Variants in SH3TC1 observed in about 807,000 individuals in gnomAD.
SH3TC1 encodes SH3 domain and tetratricopeptide repeat-containing protein 1.
In SH3TC1, 135 loss-of-function variants were observed where a neutral mutation model predicts 117.3. The observed-to-expected ratio is 1.15, with a 90% CI of 1.00 to 1.33. The LOEUF (loss-of-function observed/expected upper bound fraction) is 1.33. SH3TC1 is among the 40% of genes most tolerant of loss of function. The probability of loss-of-function intolerance (pLI) is 0.00; values close to 1 mark genes in which losing one functional copy is unlikely to be tolerated. For synonymous variants in SH3TC1, 898 were observed against 816.9 expected (o/e 1.10, Z -1.69); for missense variants, 2,092 against 1,794.3 (o/e 1.17, Z -3.00).
chr4:8,198,026 G>T (rs1043879128), upstream of SH3TC1, among the ~76,000 whole-genome samples: 3 of 152,152 alleles, frequency 2.0e-5, no homozygotes, highest in African/African-American at 7.2e-5. Flanking sequence ...TGGCTGCTAT[G>T]ATTAGAGGAG....
At chr4:8,229,699 A>G (rs115869356) in intron 12 of SH3TC1, among the ~76,000 whole-genome samples, 1,940 of 151,798 alleles carry the variant, frequency 0.013, 39 homozygotes, top group African/African-American at 0.043. Flanking sequence ...CCATCTGCCC[A>G]AGGAGGAGTG....
chr4:8,205,801 G>T lies in SH3TC1; in HGVS notation c.172+435G>T. 1.6e-6 allele frequency: 1 copy of T among 607,250 alleles called. No homozygotes were observed. The highest frequency in any genetic ancestry group is 2.9e-6 in the Non-Finnish European group (1 of 339,138). The allele number at this position is 607,250 out of a possible 1,614,324, so 37.6% of individuals were successfully genotyped here. On this transcript the variant is annotated intron_variant, in intron 2 of 17. Coordinates refer to ENST00000245105, the MANE Select transcript of SH3TC1 (RefSeq NM_018986.5). This position sits in a 1 kb window ranked among gnomAD's most constrained non-coding sequence, Gnocchi z 5.4. ...AGGCCACCCTGTGGTCAGGGGCCGG[G>T]CCAGGACGTGTGCCCAGTTTCCTGA...
chr4:8,214,335 T>G, intron 4 of SH3TC1, 140 bp from the exon 5 acceptor site: 1 of 689,210 alleles, frequency 1.5e-6, no homozygotes, highest in Non-Finnish European at 2.4e-6. Context: ...TGACTTGGGC[T>G]GTGAAGGAAT....
intron 17 of SH3TC1, among the ~76,000 whole-genome samples, chr4:8,240,464 C>G (rs1341915969): frequency 6.6e-6 from 1 of 152,186 alleles, no homozygotes; most frequent in Non-Finnish European, 1.5e-5. Context: ...GAGGGTGGGG[C>G]TGGGACAGGA....
rs1578653979 is a variant in SH3TC1 at position 8,205,028 on chromosome 4, G to A, written c.-28-139G>A. 14 of 614,426 alleles carry A rather than the reference G, an allele frequency of 2.3e-5. No homozygotes were observed. The highest frequency in any genetic ancestry group is 1.7e-4 in the South Asian group (6 of 35,090). The allele number at this position is 614,426 out of a possible 1,614,324, so 38.1% of individuals were successfully genotyped here. A position where few individuals can be genotyped will look rare whatever the true frequency, so the allele number is the denominator to read the frequency against. ...CCCACCACAACACGGTGCACGGTGCGGTGAGGGGCTCGCTGGATCTGAAAG... is the reference window on the plus strand; with the variant it reads ...CCCACCACAACACGGTGCACGGTGCAGTGAGGGGCTCGCTGGATCTGAAAG... On this transcript the variant is annotated intron_variant, in intron 1 of 17. Transcript: ENST00000245105. This position sits in a 1 kb window ranked among gnomAD's most constrained non-coding sequence, Gnocchi z 5.4.
Position 8,233,376 on chromosome 4 carries a change from G to T in SH3TC1, c.3145G>T (p.Ala1049Ser), listed in dbSNP as rs147442685. Reference sequence around the variant, plus strand: ...GTCTGATACCAGGGCCTACAAATCCGCACTGGACTACACCAAACGAAGTCT... The same window carrying T: ...GTCTGATACCAGGGCCTACAAATCCTCACTGGACTACACCAAACGAAGTCT... ...SLGTERAYKSALDYTKRSLGI... is the reference protein window; with the variant it reads ...SLGTERAYKSSLDYTKRSLGI... The change falls in exon 14 of 18, where the codon GCA (alanine) becomes TCA (serine). Residue 1049 changes from alanine (A) to serine (S), a missense_variant. Transcript: ENST00000245105. The T allele has an allele frequency of 1.2e-6, 2 of 1,611,062 alleles. No homozygotes were observed. The highest frequency in any genetic ancestry group is 8.5e-7 in the Non-Finnish European group (1 of 1,178,642).
chr4:8,199,098 C>T (rs989637966), upstream of SH3TC1, among the ~76,000 whole-genome samples: 2 of 152,160 alleles, frequency 1.3e-5, no homozygotes, highest in East Asian at 1.9e-4. Flanking sequence ...GGCTGGGCAG[C>T]GGGCAGGCAG....
chr4:8,223,099 C>T (rs116185327), intron 10 of SH3TC1, 129 bp downstream of exon 10: 1,826 of 1,324,552 alleles, frequency 1.4e-3, no homozygotes, highest in Admixed American at 1.8e-3. Flanking sequence ...CAGAGGCTGC[C>T]GCTGCCTCCA....
In SH3TC1 at chr4:8,217,064, G is replaced by A. The variant is rs911766254; in HGVS notation, c.736G>A (p.Gly246Arg). Reference protein sequence around the residue: ...ALRQASGAPQGEAAPETDSSP... With the variant: ...ALRQASGAPQREAAPETDSSP... ...CAGGCAGGCTTCGGGGGCACCCCAG[G>A]GAGAGGCGGCCCCGGAAACAGACTC... is the stretch of plus-strand genomic sequence containing the variant. Residue 246 changes from glycine (G) to arginine (R), a missense_variant, in exon 7 of 18, where the codon GGA becomes AGA. Transcript: ENST00000245105. 6.2e-7 allele frequency: 1 copy of A among 1,613,012 alleles called. No individual in the cohort carries two copies. The highest frequency in any genetic ancestry group is 1.7e-4 in the Middle Eastern group (1 of 6,050).
rs1362288946 is a variant in SH3TC1 at position 8,231,924 on chromosome 4, G to A, written c.2951-52G>A. The A allele has an allele frequency of 1.9e-6, 3 of 1,591,920 alleles. No homozygotes were observed. The East Asian group carries it at 6.7e-5, about 36-fold the overall frequency. ...CCGCAGGGGCCTCTGAGCCCAGCCA[G>A]CCTCGCTTCAATGCTGGGAGGCTGA... On this transcript the variant is annotated intron_variant, in intron 12 of 17. Coordinates refer to ENST00000245105, the MANE Select transcript of SH3TC1 (RefSeq NM_018986.5).
At chr4:8,236,162 C>T (rs567821613) in intron 15 of SH3TC1, 116 bp from the exon 16 acceptor site, 110 of 1,299,152 alleles carry the variant, frequency 8.5e-5, no homozygotes, top group Non-Finnish European at 9.6e-5. Flanking sequence ...ACAGCTGTGT[C>T]GAGGCCCAGG....
Position 8,209,553 on chromosome 4 carries a change from A to C in SH3TC1, c.173-195A>C. The C allele has an allele frequency of 7.7e-7, 1 of 1,293,732 alleles. No homozygotes were observed. The highest frequency in any genetic ancestry group is 1.1e-6 in the Non-Finnish European group (1 of 933,398). The allele number at this position is 1,293,732 out of a possible 1,614,324, so 80.1% of individuals were successfully genotyped here. ...TGAGTGTGGGGCAGCTTGTCACAGC[A>C]TGCTGGGAAGTGCAGGCAGCTTCCC... On this transcript the variant is annotated intron_variant, in intron 2 of 17. Transcript: ENST00000245105. This position sits in a 1 kb window ranked among gnomAD's most constrained non-coding sequence, Gnocchi z 5.9.
At chr4:8,219,048 A>G (rs1446023289) in intron 8 of SH3TC1, among the ~76,000 whole-genome samples, 1 of 151,800 alleles carries the variant, frequency 6.6e-6, no homozygotes, top group East Asian at 2.0e-4. Flanking sequence ...GTGGCTGCAG[A>G]AGGAAAGGAG....
Position 8,225,691 on chromosome 4 carries a change from C to T in SH3TC1, c.1285+475C>T, listed in dbSNP as rs935744556. ...GATTGAGGGAGACCCTTCCATCTCC[C>T]CTCTACAGCTCTGTCTCTTCCCCTC... On this transcript the variant is annotated intron_variant, in intron 11 of 17. Coordinates refer to ENST00000245105, the MANE Select transcript of SH3TC1 (RefSeq NM_018986.5). The surrounding 1 kb of genome is among the most constrained non-coding windows in gnomAD (Gnocchi z 5.5). Among the ~76,000 whole-genome samples, 1 of 152,186 alleles carries T rather than the reference C, an allele frequency of 6.6e-6. No individual in the cohort carries two copies. The highest frequency in any genetic ancestry group is 1.5e-5 in the Non-Finnish European group (1 of 68,036).
At chr4:8,185,509 C>A (rs1301506200) in intron 1 of SH3TC1, among the ~76,000 whole-genome samples, 2 of 152,072 alleles carry the variant, frequency 1.3e-5, no homozygotes. Flanking sequence ...ATGCATTCAT[C>A]CTCCTGCGGT....
In SH3TC1 at chr4:8,212,836, G is replaced by A; in HGVS notation, c.375+8G>A. 6.4e-7 allele frequency: 1 copy of A among 1,555,036 alleles called. No individual in the cohort carries two copies. The highest frequency in any genetic ancestry group is 1.4e-5 in the African/African-American group (1 of 73,968). On this transcript the variant is annotated splice_region_variant and intron_variant, in intron 4 of 17. Coordinates refer to ENST00000245105, the MANE Select transcript of SH3TC1 (RefSeq NM_018986.5). ...ATGGCCCGCGTGCTTGGGGTGAGTA[G>A]CCCTCTGGGGCCTGCTCAGGGATGG... is the stretch of plus-strand genomic sequence containing the variant.
At chr4:8,235,882 G>A (rs1303731045) in intron 15 of SH3TC1, 8 of 367,742 alleles carry the variant, frequency 2.2e-5, no homozygotes, top group Non-Finnish European at 4.9e-6. Context: ...CGGCATGCCA[G>A]TGGGAGGCCC....
intron 4 of SH3TC1, chr4:8,213,073 G>A: frequency 1.9e-6 from 1 of 528,042 alleles, no homozygotes; most frequent in South Asian, 2.6e-5. Context: ...CCCAGCAACA[G>A]GGGACCTCGA....
intron 16 of SH3TC1, chr4:8,237,183 CA>C (rs1721897421): frequency 2.7e-6 from 1 of 374,070 alleles, no homozygotes; most frequent in African/African-American, 2.1e-5. Context: ...GCGTGGGCTG[CA>C]TGCCTTTTGG....
Sources: gnomAD v4.1 joint callset for allele counts (sites outside exome capture counted in the v4.1 genomes callset) on GRCh38, gnomAD v4.1.1 for gene constraint, Gnocchi (gnomAD v3.1) non-coding constraint, MANE v1.5 for transcripts, NCBI Gene and HGNC (gene_info 2026-07-23, HGNC 2026-07-21) for gene names.